The following CAST variants were observed in gnomAD, a reference collection of about 807,000 sequenced individuals.
The protein encoded by CAST is calpastatin, also known as MIR583 host.
Under a neutral mutation model 119.6 loss-of-function variants are expected in CAST, and 76 were observed. The observed-to-expected ratio is 0.64, with a 90% CI of 0.53 to 0.77. The LOEUF (loss-of-function observed/expected upper bound fraction) is 0.77, where lower values mean the gene tolerates loss of function less well. Ranked by LOEUF, CAST falls within the 30% of genes least tolerant of loss-of-function variation. The pLI is 0.00. For missense variants in CAST, 953 were observed against 946.5 expected (o/e 1.01, Z -0.09); for synonymous variants, 319 against 331.6 (o/e 0.96, Z 0.41).
At chr5:96,602,549 C>T (rs1178329925) in intron 1 of CAST, among the ~76,000 whole-genome samples, 8 of 152,088 alleles carry the variant, frequency 5.3e-5, no homozygotes, top group East Asian at 1.9e-4. Flanking sequence ...GTCAGAAGTC[C>T]GAGACCAGCC....
chr5:96,046,724 A>G, the CAST span, among the ~76,000 whole-genome samples: 1 of 152,348 alleles, frequency 6.6e-6, no homozygotes, highest in Non-Finnish European at 1.5e-5. Flanking sequence ...TGATAAAGAC[A>G]TACCTGAGAC....
chr5:96,665,624 C>A (rs1392972064), intron 1 of CAST, among the ~76,000 whole-genome samples: 1 of 152,018 alleles, frequency 6.6e-6, no homozygotes, highest in Non-Finnish European at 1.5e-5. Context: ...AAAATACATA[C>A]AAACATACAC....
intron 1 of CAST, among the ~76,000 whole-genome samples, chr5:96,537,099 CAATACAGTGGCTGG>C: frequency 6.6e-6 from 1 of 152,194 alleles, no homozygotes; most frequent in Non-Finnish European, 1.5e-5. Flanking sequence ...AAGAAGCTTT[CAATACAGTGGCTGG>C]AATATTTGAA....
chr5:96,179,916 G>T, the CAST span, among the ~76,000 whole-genome samples: 5 of 152,148 alleles, frequency 3.3e-5, no homozygotes, highest in East Asian at 9.7e-4. Flanking sequence ...GGGTGCCATA[G>T]TCCCAGCTAC....
chr5:96,198,703 A>C, the CAST span, among the ~76,000 whole-genome samples: 1 of 152,182 alleles, frequency 6.6e-6, no homozygotes, highest in East Asian at 1.9e-4. Flanking sequence ...ATCATTATGA[A>C]GCCCAATAAT....
chr5:96,330,106 C>G, the CAST span, among the ~76,000 whole-genome samples: 1 of 152,156 alleles, frequency 6.6e-6, no homozygotes, highest in South Asian at 2.1e-4. Flanking sequence ...CTTGTCATTA[C>G]CCAAATGGTT....
chr5:96,557,093 C>T (rs1260271997), intron 1 of CAST, among the ~76,000 whole-genome samples: 1 of 151,970 alleles, frequency 6.6e-6, no homozygotes, highest in African/African-American at 2.4e-5. Flanking sequence ...CCCAGAATTT[C>T]GTATCCAGCC....
the CAST span, among the ~76,000 whole-genome samples, chr5:96,217,204 ATT>A: frequency 5.2e-5 from 5 of 97,006 alleles, no homozygotes; most frequent in African/African-American, 1.2e-4. Context: ...ATGCTAGCTA[ATT>A]TTTTTTTTTT....
chr5:96,667,323 G>A (rs1749466690), intron 1 of CAST, among the ~76,000 whole-genome samples: 1 of 152,204 alleles, frequency 6.6e-6, no homozygotes, highest in Non-Finnish European at 1.5e-5. Context: ...TTTGTGCAGA[G>A]TGCGGTGGAC....
chr5:96,655,851 A>G (rs1748151151), intron 1 of CAST, among the ~76,000 whole-genome samples: 1 of 152,206 alleles, frequency 6.6e-6, no homozygotes, highest in Non-Finnish European at 1.5e-5. Flanking sequence ...CGGGATTTTC[A>G]ATCTTCAGCC....
At chr5:96,172,431 T>C in the CAST span, among the ~76,000 whole-genome samples, 1 of 152,218 alleles carries the variant, frequency 6.6e-6, no homozygotes, top group Admixed American at 6.5e-5. Flanking sequence ...GTCCAGACCA[T>C]TGGGATTATT....
chr5:96,204,391 A>G, the CAST span, among the ~76,000 whole-genome samples: 1 of 152,010 alleles, frequency 6.6e-6, no homozygotes, highest in African/African-American at 2.4e-5. Context: ...ATGCACAAAG[A>G]TGATTTTACC....
the CAST span, chr5:96,392,993 C>T: frequency 1.9e-6 from 3 of 1,614,016 alleles, no homozygotes; most frequent in Middle Eastern, 3.3e-4. Flanking sequence ...TGGGACCACA[C>T]ACTTATTTTA....
the CAST span, among the ~76,000 whole-genome samples, chr5:96,143,520 G>A: frequency 1.3e-5 from 2 of 152,232 alleles, no homozygotes; most frequent in South Asian, 4.1e-4. Context: ...CATGTGGGCC[G>A]ATTCCTAAAC....
chr5:96,375,959 C>T, the CAST span, among the ~76,000 whole-genome samples: 129 of 144,962 alleles, frequency 8.9e-4, 1 homozygote, highest in Middle Eastern at 7.2e-3. Context: ...ATATATATAT[C>T]TCCTATTAAT....
chr5:96,298,879 A>AGT, the CAST span, among the ~76,000 whole-genome samples: 9,227 of 149,670 alleles, frequency 0.062, 665 homozygotes, highest in African/African-American at 0.17. Context: ...AAATTAGGAG[A>AGT]GTGTGTGTGT....
the CAST span, among the ~76,000 whole-genome samples, chr5:96,351,259 T>C: frequency 1.3e-5 from 2 of 152,150 alleles, no homozygotes; most frequent in African/African-American, 4.8e-5. Context: ...GCCCCACCTG[T>C]AAGAAAAATT....
intron 1 of CAST, among the ~76,000 whole-genome samples, chr5:96,598,542 G>A (rs929055036): frequency 5.9e-5 from 9 of 152,142 alleles, no homozygotes; most frequent in Admixed American, 2.6e-4. Flanking sequence ...TGAGTTGGGT[G>A]ACATGGGCTG....
chr5:96,421,908 G>T, the CAST span: 2 of 1,587,800 alleles, frequency 1.3e-6, no homozygotes, highest in Non-Finnish European at 1.7e-6. Context: ...TCATATCGGG[G>T]AAATGGATCA....
Sources: allele counts gnomAD v4.1 joint callset (sites outside exome capture counted in the v4.1 genomes callset), GRCh38; gene constraint gnomAD v4.1.1; transcripts MANE v1.5; gene names NCBI Gene and HGNC (gene_info 2026-07-23, HGNC 2026-07-21).